MTUS1: variants seen among roughly 807,000 people sequenced by gnomAD.
MTUS1 encodes microtubule-associated tumor suppressor 1.
Under a neutral mutation model 120.8 loss-of-function variants are expected in MTUS1, and 109 were observed. That is an observed-to-expected ratio of 0.90 (90% confidence interval 0.77 to 1.06). The LOEUF is 1.06. Among genes scored for constraint, MTUS1 ranks in the 50% least tolerant of loss-of-function variants. The pLI is 0.00. For missense variants in MTUS1, 2,210 were observed against 1,486.3 expected (o/e 1.49, Z -8.01); for synonymous variants, 737 against 550.5 (o/e 1.34, Z -4.74).
intron 4 of MTUS1, chr8:17,723,449 T>C: frequency 1.7e-6 from 1 of 587,434 alleles, no homozygotes; most frequent in Non-Finnish European, 3.1e-6. Context: ...GACGATGCAC[T>C]TTCGAATCCT....
intron 6 of MTUS1, among the ~76,000 whole-genome samples, chr8:17,702,525 T>G (rs948690588): frequency 6.6e-6 from 1 of 152,194 alleles, no homozygotes; most frequent in Non-Finnish European, 1.5e-5. Context: ...ATAACAAACC[T>G]TGTACCATTG....
chr8:17,712,213 C>G (rs1037368680), intron 6 of MTUS1, among the ~76,000 whole-genome samples: 2 of 152,166 alleles, frequency 1.3e-5, no homozygotes, highest in Non-Finnish European at 2.9e-5. Flanking sequence ...ACCTTCGTTT[C>G]TTCTGATTTG....
intron 3 of MTUS1, among the ~76,000 whole-genome samples, chr8:17,730,379 G>C (rs1359142553): frequency 6.6e-6 from 1 of 151,970 alleles, no homozygotes; most frequent in Non-Finnish European, 1.5e-5. Context: ...CAGCTACTTG[G>C]GAGGGTGAGG....
At position 17,788,211 on chromosome 8, in the gene MTUS1, A is replaced by G. The variant is rs185779780; in HGVS notation, c.-155+12850T>C. On this transcript the variant is annotated intron_variant, in intron 1 of 14. Coordinates refer to ENST00000693296, the MANE Select transcript of MTUS1 (RefSeq NM_001363059.2). ...CCAATATGTATTTGTCAAAACTCAT[A>G]TAATTGCACACTTAAGCCAGGTGCA... Among the ~76,000 whole-genome samples the G allele has an allele frequency of 3.9e-5, 6 of 152,340 alleles. No individual in the cohort carries two copies. The East Asian group carries it at 1.2e-3, about 29-fold the overall frequency.
chr8:17,787,290 T>C (rs566217721), intron 1 of MTUS1, among the ~76,000 whole-genome samples: 3 of 152,310 alleles, frequency 2.0e-5, no homozygotes, highest in Admixed American at 2.0e-4. Context: ...ACAGTCATCC[T>C]CCCAGTAGAC....
intron 1 of MTUS1, among the ~76,000 whole-genome samples, chr8:17,797,353 C>T (rs116656083): frequency 0.021 from 3,206 of 152,196 alleles, 92 homozygotes; most frequent in Admixed American, 0.058. Context: ...GTGAAGGCTG[C>T]AGTAAGCTAT....
chr8:17,736,216 G>A (rs976912648), intron 3 of MTUS1, among the ~76,000 whole-genome samples: 3 of 152,182 alleles, frequency 2.0e-5, no homozygotes, highest in East Asian at 1.9e-4. Context: ...TGTGTGAAAC[G>A]CCTGGAAAAG....
intron 1 of MTUS1, among the ~76,000 whole-genome samples, chr8:17,779,077 G>A (rs933386719): frequency 6.6e-6 from 1 of 152,140 alleles, no homozygotes; most frequent in Admixed American, 6.5e-5. Context: ...GGGATTAGGG[G>A]TCAAGGAAGG....
At chr8:17,718,976 C>A (rs1470019739) in intron 4 of MTUS1, among the ~76,000 whole-genome samples, 1 of 152,042 alleles carries the variant, frequency 6.6e-6, no homozygotes, top group Admixed American at 6.5e-5. Flanking sequence ...TTGAGACCAG[C>A]CTGGCCAATA....
intron 1 of MTUS1, among the ~76,000 whole-genome samples, chr8:17,763,562 C>T (rs998740437): frequency 1.3e-5 from 2 of 152,062 alleles, no homozygotes; most frequent in African/African-American, 2.4e-5. Context: ...TGCACAAACC[C>T]AGAATGGCCC....
chr8:17,772,974 G>T (rs932370706), intron 1 of MTUS1, among the ~76,000 whole-genome samples: 14 of 152,158 alleles, frequency 9.2e-5, no homozygotes, highest in Non-Finnish European at 1.6e-4. Context: ...ACGTTCAGAA[G>T]AAAAACTACT....
intron 4 of MTUS1, chr8:17,722,128 C>A: frequency 8.0e-7 from 1 of 1,245,802 alleles, no homozygotes; most frequent in Non-Finnish European, 1.0e-6. Flanking sequence ...ACTAGACAGG[C>A]TCTGTGGGTG....
chr8:17,701,226 T>C (rs1819017315), intron 6 of MTUS1, among the ~76,000 whole-genome samples: 1 of 152,174 alleles, frequency 6.6e-6, no homozygotes, highest in Non-Finnish European at 1.5e-5. Flanking sequence ...AATTGCAACA[T>C]TTTCTTCATT....
chr8:17,753,646 T>C, intron 2 of MTUS1, 71 bp downstream of exon 2: 1 of 1,046,486 alleles, frequency 9.6e-7, no homozygotes, highest in South Asian at 1.8e-5. Context: ...AATAGATAAC[T>C]AAATGCTAAC....
At chr8:17,673,103 C>A (rs544102353) in intron 8 of MTUS1, among the ~76,000 whole-genome samples, 3 of 152,310 alleles carry the variant, frequency 2.0e-5, no homozygotes, top group East Asian at 1.9e-4. Flanking sequence ...CTTTCCTGAT[C>A]TTCTAACTCT....
Position 17,656,080 on chromosome 8 carries a change from GA to G in MTUS1, c.2906-16del, listed in dbSNP as rs1240092443. On this transcript the variant is annotated splice_polypyrimidine_tract_variant and intron_variant, in intron 8 of 14. Coordinates refer to ENST00000693296, the MANE Select transcript of MTUS1 (RefSeq NM_001363059.2). ...TGAAGCAGTGACTGAAAACAGAGGA[GA>G]AAGAAGAGGGAAGAGGTCATTTTAT... The G allele has an allele frequency of 1.2e-6, 2 of 1,612,152 alleles. No individual in the cohort carries two copies. Among genetic ancestry groups the G allele is most frequent in the Non-Finnish European group, 8.5e-7 (1 of 1,178,184 alleles).
chr8:17,688,886 C>G lies in MTUS1; in HGVS notation c.2624-4344G>C, dbSNP rs116150049. ...TTTACTGAAAATGGAAAATTTTAAG[C>G]TCAGCAAAGCACAGTGTTTAGACAT... On this transcript the variant is annotated intron_variant, in intron 6 of 14. Transcript: ENST00000693296. Among the ~76,000 whole-genome samples, 242 of 152,184 alleles carry G rather than the reference C, an allele frequency of 1.6e-3. 2 individuals carry two copies. The highest frequency in any genetic ancestry group is 3.7e-3 in the African/African-American group (152 of 41,510).
chr8:17,721,634 A>C (rs1394771933), intron 4 of MTUS1: 1 of 1,461,980 alleles, frequency 6.8e-7, no homozygotes, highest in African/African-American at 1.4e-5. Context: ...AACAGAAGTC[A>C]AGAGATCCTA....
Position 17,761,345 on chromosome 8 carries a change from A to C in MTUS1, c.-154-5384T>G, listed in dbSNP as rs189123339. Among the ~76,000 whole-genome samples, 9 of 152,334 alleles carry C rather than the reference A, an allele frequency of 5.9e-5. No individual in the cohort carries two copies. The East Asian group carries it at 1.7e-3, about 29-fold the overall frequency. Reference sequence around the variant, plus strand: ...ACCTAAAGAACTGAATCATTATATTAATTACAATTATTATCATATAATAGA... The same window carrying C: ...ACCTAAAGAACTGAATCATTATATTCATTACAATTATTATCATATAATAGA... On this transcript the variant is annotated intron_variant, in intron 1 of 14. Coordinates refer to ENST00000693296, the MANE Select transcript of MTUS1 (RefSeq NM_001363059.2).
Sources: allele counts gnomAD v4.1 joint callset (sites outside exome capture counted in the v4.1 genomes callset), GRCh38; gene constraint gnomAD v4.1.1; transcripts MANE v1.5; gene names NCBI Gene and HGNC (gene_info 2026-07-23, HGNC 2026-07-21).